SUGCT: variants seen among roughly 807,000 people sequenced by gnomAD.
The protein encoded by SUGCT is succinyl-CoA:glutarate-CoA transferase.
Under a neutral mutation model 55.0 loss-of-function variants are expected in SUGCT, and 41 were observed. The observed-to-expected ratio is 0.74, with a 90% CI of 0.58 to 0.97. The LOEUF is 0.97. Ranked by LOEUF, SUGCT falls within the 50% of genes least tolerant of loss-of-function variation. The pLI, the probability that SUGCT is intolerant of heterozygous loss-of-function variation, is 0.00. For synonymous variants in SUGCT, 187 were observed against 200.4 expected, an observed-to-expected ratio of 0.93 and a Z score of 0.56; for missense variants, 568 against 547.8, an observed-to-expected ratio of 1.04 and a Z score of -0.37.
At position 40,683,317 on chromosome 7, in the gene SUGCT, T is replaced by C. The variant is rs191084621; in HGVS notation, c.1090-66117T>C. On this transcript the variant is annotated intron_variant, in intron 12 of 13. Coordinates refer to ENST00000335693, the MANE Select transcript of SUGCT (RefSeq NM_001193313.2). ...TGTGTAGCCCTGAAACTTCTGCAAA[T>C]GTCGCTTCTCAGAGGGCTGTGAGAG... 4.6e-5 allele frequency among the ~76,000 whole-genome samples: 7 copies of C among 152,304 alleles called. No individual in the cohort carries two copies. In the East Asian group the frequency reaches 1.3e-3, roughly 29 times the overall value.
intron 12 of SUGCT, among the ~76,000 whole-genome samples, chr7:40,673,763 C>A (rs1298068292): frequency 6.6e-6 from 1 of 152,114 alleles, no homozygotes; most frequent in African/African-American, 2.4e-5. Context: ...TGAACAAAAA[C>A]CAGTCTTTGA....
At chr7:40,907,206 C>T in the SUGCT span, among the ~76,000 whole-genome samples, 1 of 150,310 alleles carries the variant, frequency 6.7e-6, no homozygotes, top group Non-Finnish European at 1.5e-5. Flanking sequence ...GAATCATGAA[C>T]TTCACTGACT....
chr7:40,620,135 A>C (rs1799194360), intron 12 of SUGCT, among the ~76,000 whole-genome samples: 1 of 152,184 alleles, frequency 6.6e-6, no homozygotes, highest in Non-Finnish European at 1.5e-5. Context: ...CACGGTGTGC[A>C]TGATGTCAGG....
At chr7:40,245,431 T>TATATATACA in intron 7 of SUGCT, among the ~76,000 whole-genome samples, 1 of 31,364 alleles carries the variant, frequency 3.2e-5, no homozygotes, top group South Asian at 1.7e-3. Flanking sequence ...ATATTTTTTT[T>TATATATACA]TTTTTTTTTT....
At chr7:40,416,903 C>T (rs892382732) in intron 9 of SUGCT, among the ~76,000 whole-genome samples, 2 of 151,962 alleles carry the variant, frequency 1.3e-5, no homozygotes, top group Non-Finnish European at 2.9e-5. Context: ...CTTTAAAAAA[C>T]AAGGCTTTAA....
At position 40,188,514 on chromosome 7, in the gene SUGCT, A is replaced by G. The variant is rs769359903; in HGVS notation, c.246A>G (p.Arg82=). 2.2e-5 allele frequency: 36 copies of G among 1,609,902 alleles called. No homozygotes were observed. The highest frequency in any genetic ancestry group is 1.7e-4 in the Middle Eastern group (1 of 6,060). Residue 82 remains arginine (R), a synonymous_variant, in exon 4 of 14, where the codon CGA becomes CGG. Coordinates refer to ENST00000335693, the MANE Select transcript of SUGCT (RefSeq NM_001193313.2). ...TTTCAGGAGCTGGTGATGATACACG[A>G]ACTTGGGGGCCACCTTTTGTTGGGA... is the stretch of plus-strand genomic sequence containing the variant. ...VERPGAGDDT[R]TWGPPFVGTE...
chr7:41,020,088 G>T, the SUGCT span, among the ~76,000 whole-genome samples: 1 of 152,156 alleles, frequency 6.6e-6, no homozygotes, highest in African/African-American at 2.4e-5. Context: ...TTGTCAAGGG[G>T]ATTGAATGCA....
chr7:40,982,315 T>G, the SUGCT span, among the ~76,000 whole-genome samples: 1 of 152,206 alleles, frequency 6.6e-6, no homozygotes, highest in Non-Finnish European at 1.5e-5. Flanking sequence ...GGTGTCTTAG[T>G]CTTGAACATA....
chr7:40,233,285 T>C (rs1404481217), intron 6 of SUGCT, among the ~76,000 whole-genome samples: 1 of 152,100 alleles, frequency 6.6e-6, no homozygotes, highest in East Asian at 1.9e-4. Flanking sequence ...AATGGCACGA[T>C]CTCAGCTCAC....
rs1180778022 is a variant in SUGCT at position 40,778,191 on chromosome 7, G to A, written c.1153+28694G>A. 2.6e-4 allele frequency among the ~76,000 whole-genome samples: 39 copies of A among 152,112 alleles called. 1 individual carries two copies. The highest frequency in any genetic ancestry group is 2.6e-3 in the Admixed American group (39 of 15,268). On this transcript the variant is annotated intron_variant, in intron 13 of 13. Coordinates refer to ENST00000335693, the MANE Select transcript of SUGCT (RefSeq NM_001193313.2). ...ATTGTTTTACTCAGCTGTGGCCAGA[G>A]GTTGTAGAATTGTACTTTATAAATC...
intron 3 of SUGCT, among the ~76,000 whole-genome samples, chr7:40,186,252 CCTCTT>C (rs1184096526): frequency 1.5e-5 from 2 of 134,436 alleles, no homozygotes; most frequent in East Asian, 5.2e-4. Flanking sequence ...CCCCTTTCCT[CCTCTT>C]CTCTTCTTTT....
Position 40,749,403 on chromosome 7 carries a change from A to G in SUGCT, c.1090-31A>G, listed in dbSNP as rs1021615916. 6 of 1,588,726 alleles carry G rather than the reference A, an allele frequency of 3.8e-6. No homozygotes were observed. The African/African-American group carries it at 4.0e-5, about 11-fold the overall frequency. ...AATTGAAGATGGTTTTATTTTGTAAATTATTTTTCTCTCTGTTTTTGCCTT... is the reference window on the plus strand; with the variant it reads ...AATTGAAGATGGTTTTATTTTGTAAGTTATTTTTCTCTCTGTTTTTGCCTT... On this transcript the variant is annotated intron_variant, in intron 12 of 13. Coordinates refer to ENST00000335693, the MANE Select transcript of SUGCT (RefSeq NM_001193313.2).
chr7:40,610,805 C>A (rs531125961), intron 12 of SUGCT, among the ~76,000 whole-genome samples: 2 of 152,280 alleles, frequency 1.3e-5, no homozygotes, highest in African/African-American at 4.8e-5. Context: ...TGTGGCTCCA[C>A]TTTGGGCCAA....
At chr7:40,178,996 A>G (rs1042921061) in intron 1 of SUGCT, among the ~76,000 whole-genome samples, 2 of 151,804 alleles carry the variant, frequency 1.3e-5, no homozygotes, top group Non-Finnish European at 2.9e-5. Context: ...CCTTTCTATA[A>G]TATTTTTCCT....
At chr7:40,751,276 G>A (rs940751122) in intron 13 of SUGCT, among the ~76,000 whole-genome samples, 4 of 152,118 alleles carry the variant, frequency 2.6e-5, no homozygotes, top group African/African-American at 9.7e-5. Flanking sequence ...AGTGGGGCAG[G>A]AAATGAGACT....
rs541248762 is a variant in SUGCT at position 40,146,277 on chromosome 7, A to G, written c.100+11157A>G. 3.3e-5 allele frequency among the ~76,000 whole-genome samples: 5 copies of G among 152,326 alleles called. No individual in the cohort carries two copies. The East Asian group carries it at 9.6e-4, about 29-fold the overall frequency. On this transcript the variant is annotated intron_variant, in intron 1 of 13. Coordinates refer to ENST00000335693, the MANE Select transcript of SUGCT (RefSeq NM_001193313.2). The stretch of plus-strand genomic sequence containing the variant: ...GGATTTTTGATTAGGAAGGCTAATC[A>G]GTGGCCTCAGCTTGTCAGTGGCCTC...
chr7:40,454,618 GA>G (rs66972265), intron 10 of SUGCT, among the ~76,000 whole-genome samples: 1 of 152,014 alleles, frequency 6.6e-6, no homozygotes, highest in Non-Finnish European at 1.5e-5. Flanking sequence ...CCCAGAGGGG[GA>G]AAAAATGTAT....
chr7:40,302,757 A>G (rs976259043), intron 8 of SUGCT, among the ~76,000 whole-genome samples: 2 of 152,174 alleles, frequency 1.3e-5, no homozygotes, highest in African/African-American at 4.8e-5. Context: ...AGACATAATT[A>G]TGAGAGTGAC....
chr7:40,759,035 G>C (rs1788402679), intron 13 of SUGCT, among the ~76,000 whole-genome samples: 2 of 152,132 alleles, frequency 1.3e-5, no homozygotes, highest in Non-Finnish European at 2.9e-5. Context: ...GGGCATTTGA[G>C]GCGTGGATGT....
Sources: gnomAD v4.1 joint callset for allele counts (sites outside exome capture counted in the v4.1 genomes callset) on GRCh38, gnomAD v4.1.1 for gene constraint, MANE v1.5 for transcripts, NCBI Gene and HGNC (gene_info 2026-07-23, HGNC 2026-07-21) for gene names.